The following ZFHX3 variants were observed in gnomAD, a reference collection of about 807,000 sequenced individuals.
ZFHX3 encodes the protein zinc finger homeobox 3, also known as zinc finger homeobox protein 3.
Under a neutral mutation model 279.1 loss-of-function variants are expected in ZFHX3, and 42 were observed. The observed-to-expected ratio is 0.15, with a 90% CI of 0.12 to 0.19. ZFHX3 has a LOEUF of 0.19. ZFHX3 is among the 10% of genes least tolerant of loss of function. The pLI is 1.00. For synonymous variants in ZFHX3, 2,293 were observed against 1,957.8 expected (o/e 1.17, Z -4.52); for missense variants, 4,981 against 4,754.0 (o/e 1.05, Z -1.40).
intron 4 of ZFHX3, among the ~76,000 whole-genome samples, chr16:72,860,449 C>G (rs2037857633): frequency 6.6e-6 from 1 of 152,152 alleles, no homozygotes; most frequent in South Asian, 2.1e-4. Flanking sequence ...CTTTTTGAGA[C>G]AGAGTCTCAC....
At chr16:73,539,358 C>T (rs949344666) in intron 2 of ZFHX3, among the ~76,000 whole-genome samples, 1 of 151,320 alleles carries the variant, frequency 6.6e-6, no homozygotes, top group South Asian at 2.1e-4. Flanking sequence ...CCCCAACCCC[C>T]TGAACATTTC....
chr16:73,835,723 G>A (rs1370095927), intron 1 of ZFHX3, among the ~76,000 whole-genome samples: 3 of 151,788 alleles, frequency 2.0e-5, no homozygotes, highest in African/African-American at 4.8e-5. Context: ...CACCTGCCTC[G>A]GCCTTCCAGA....
chr16:73,058,239 T>TCGGCGGCGG (rs1166220874), intron 1 of ZFHX3, among the ~76,000 whole-genome samples: 40 of 136,288 alleles, frequency 2.9e-4, no homozygotes, highest in Middle Eastern at 4.4e-3. Context: ...CGGCCCGGGC[T>TCGGCGGCGG]CGGCGGCGGC....
chr16:73,647,302 C>G (rs893450252), intron 2 of ZFHX3, among the ~76,000 whole-genome samples: 5 of 152,130 alleles, frequency 3.3e-5, no homozygotes, highest in African/African-American at 9.7e-5. Context: ...ATAAATAATT[C>G]TAAGTGATAT....
At chr16:73,131,156 G>T in intron 6 of ZFHX3, 1 of 439,598 alleles carries the variant, frequency 2.3e-6, no homozygotes. Flanking sequence ...TTCAATGAAA[G>T]AACATATGAA....
intron 2 of ZFHX3, among the ~76,000 whole-genome samples, chr16:73,611,295 G>A (rs553317903): frequency 1.3e-5 from 2 of 152,150 alleles, no homozygotes; most frequent in East Asian, 3.9e-4. Context: ...GGGGGAGAAG[G>A]GGGTCACTGA....
chr16:73,755,154 A>C (rs1008689541), intron 1 of ZFHX3, among the ~76,000 whole-genome samples: 1 of 152,292 alleles, frequency 6.6e-6, no homozygotes, highest in Admixed American at 6.5e-5. Context: ...CCGCTTGCTT[A>C]ACCACTCATC....
At chr16:73,022,231 C>G (rs1310250732) in intron 1 of ZFHX3, among the ~76,000 whole-genome samples, 1 of 152,128 alleles carries the variant, frequency 6.6e-6, no homozygotes, top group East Asian at 1.9e-4. Context: ...ACACATGGGA[C>G]TCTCAAACAA....
chr16:73,168,281 A>ATTTCTT (rs1567408240), intron 5 of ZFHX3, among the ~76,000 whole-genome samples: 2 of 28,642 alleles, frequency 7.0e-5, no homozygotes, highest in African/African-American at 2.8e-4. Flanking sequence ...CTTTCTTTCG[A>ATTTCTT]GACAAAGTCT....
intron 8 of ZFHX3, among the ~76,000 whole-genome samples, chr16:73,087,019 G>GTTA (rs1966018102): frequency 6.6e-6 from 1 of 152,058 alleles, no homozygotes; most frequent in African/African-American, 2.4e-5. Flanking sequence ...AGGTATCCCA[G>GTTA]TTACCCTGAT....
rs112845345 is a variant in ZFHX3, at chr16:73,037,139, C to T, written c.-50+10613G>A. On this transcript the variant is annotated intron_variant, in intron 1 of 9. Coordinates refer to ENST00000268489, the MANE Select transcript of ZFHX3 (RefSeq NM_006885.4). ...TATATCACAACCCGACTATTAAAAG[C>T]GGAGTCCAAACTAGCTCAAGAACAT... Among the ~76,000 whole-genome samples, 591 of 152,264 alleles carry T rather than the reference C, an allele frequency of 3.9e-3. 4 individuals carry two copies. Among genetic ancestry groups the T allele is most frequent in the African/African-American group, 0.014 (569 of 41,542 alleles).
intron 3 of ZFHX3, among the ~76,000 whole-genome samples, chr16:73,438,859 G>A (rs181039768): frequency 6.6e-6 from 1 of 152,276 alleles, no homozygotes; most frequent in Admixed American, 6.5e-5. Context: ...TTTTCCAATG[G>A]AGAGAAAATC....
intron 2 of ZFHX3, among the ~76,000 whole-genome samples, chr16:73,663,077 TA>T (rs1243433471): frequency 6.6e-6 from 1 of 152,004 alleles, no homozygotes; most frequent in African/African-American, 2.4e-5. Flanking sequence ...TAAAATAAAA[TA>T]AAAAAGAAAA....
chr16:72,829,679 C>T, intron 5 of ZFHX3, 100 bp downstream of exon 5: 1 of 1,355,170 alleles, frequency 7.4e-7, no homozygotes, highest in Non-Finnish European at 1.0e-6. Flanking sequence ...GATGTATCCG[C>T]TCCCTGACTT....
In ZFHX3 at chr16:73,376,293, C is replaced by T. The variant is rs534276721; in HGVS notation, c.-1290-57957G>A. On this transcript the variant is annotated intron_variant, in intron 3 of 17. Coordinates refer to the ZFHX3 transcript ENST00000641206. The stretch of plus-strand genomic sequence containing the variant: ...TGAAGTACAGTTTTAAATCCTAGAA[C>T]AGTTCAAATTTAAGAAGGTCATTAC... Among the ~76,000 whole-genome samples the T allele has an allele frequency of 6.6e-5, 10 of 152,268 alleles. No homozygotes were observed. In the South Asian group the frequency reaches 2.1e-3, roughly 32 times the overall value.
At chr16:73,416,606 G>A (rs993862986) in intron 3 of ZFHX3, among the ~76,000 whole-genome samples, 5 of 152,294 alleles carry the variant, frequency 3.3e-5, no homozygotes, top group Admixed American at 3.3e-4. Context: ...GGACGCGGTG[G>A]CTCACGCCTG....
chr16:73,592,554 C>G (rs1432492069), intron 2 of ZFHX3, among the ~76,000 whole-genome samples: 1 of 151,954 alleles, frequency 6.6e-6, no homozygotes, highest in Non-Finnish European at 1.5e-5. Context: ...ATTTATGAAG[C>G]AAATGGCATG....
intron 3 of ZFHX3, among the ~76,000 whole-genome samples, chr16:73,448,031 A>C (rs2018216964): frequency 6.6e-6 from 1 of 152,226 alleles, no homozygotes; most frequent in African/African-American, 2.4e-5. Flanking sequence ...AGCAGTCGCC[A>C]ATAAGGACAT....
At chr16:73,542,790 A>T (rs76558039) in intron 2 of ZFHX3, among the ~76,000 whole-genome samples, 15,569 of 151,964 alleles carry the variant, frequency 0.1, 924 homozygotes, top group South Asian at 0.23. Context: ...AAAAAATATC[A>T]TGTATCTGAA....
Sources: gnomAD v4.1 joint callset for allele counts (sites outside exome capture counted in the v4.1 genomes callset) on GRCh38, gnomAD v4.1.1 for gene constraint, MANE v1.5 for transcripts, NCBI Gene and HGNC (gene_info 2026-07-23, HGNC 2026-07-21) for gene names.